THOC5: variants seen among roughly 807,000 people sequenced by gnomAD.
THOC5 encodes the protein THO complex subunit 5, also known as Fms-interacting protein.
In THOC5, 43 loss-of-function variants were observed where a neutral mutation model predicts 92.9. The ratio of observed to expected loss-of-function variants is 0.46; its 90% CI spans 0.36 to 0.60. The LOEUF is 0.60. THOC5 is among the 20% of genes least tolerant of loss of function. THOC5 has a pLI of 0.00. For synonymous variants in THOC5, 296 were observed against 320.1 expected, an observed-to-expected ratio of 0.92 and a Z score of 0.80; for missense variants, 659 against 849.4, an observed-to-expected ratio of 0.78 and a Z score of 2.79.
At chr22:29,528,888 C>A in intron 9 of THOC5, 1 of 530,224 alleles carries the variant, frequency 1.9e-6, no homozygotes, top group East Asian at 3.2e-5. Context: ...TGAGGTGTTA[C>A]TATCTGTTTT....
At chr22:29,543,100 T>C (rs1254205610) in intron 4 of THOC5, 144 bp from the exon 5 acceptor site, 2 of 619,472 alleles carry the variant, frequency 3.2e-6, no homozygotes, top group Middle Eastern at 4.4e-4. Context: ...TCCCAGCACT[T>C]TGGGAGGCCG....
intron 2 of THOC5, among the ~76,000 whole-genome samples, chr22:29,546,520 C>T (rs2064024126): frequency 6.6e-6 from 1 of 150,796 alleles, no homozygotes; most frequent in Admixed American, 6.6e-5. Context: ...ACCTCTGCCT[C>T]CCAGGTTCAG....
At chr22:29,528,946 G>A (rs1019118550) in intron 9 of THOC5, 27 of 572,892 alleles carry the variant, frequency 4.7e-5, no homozygotes, top group Non-Finnish European at 7.7e-5. Context: ...CCTTCCTCGG[G>A]GTCAGTCAGC....
At chr22:29,519,551 A>C (rs1797077219) in intron 14 of THOC5, among the ~76,000 whole-genome samples, 1 of 152,146 alleles carries the variant, frequency 6.6e-6, no homozygotes. Flanking sequence ...AAGACATTTT[A>C]GTGTCCTGAG....
At chr22:29,526,770 A>C (rs1368950525) in intron 11 of THOC5, among the ~76,000 whole-genome samples, 1 of 152,154 alleles carries the variant, frequency 6.6e-6, no homozygotes, top group East Asian at 1.9e-4. Context: ...ATGACATGAT[A>C]GCGACGACCT....
intron 12 of THOC5, among the ~76,000 whole-genome samples, chr22:29,521,614 T>A (rs758333641): frequency 1.3e-5 from 2 of 152,124 alleles, no homozygotes; most frequent in Non-Finnish European, 2.9e-5. Flanking sequence ...AATCTTATGC[T>A]CATCACAGGA....
At chr22:29,542,730 C>CA in intron 5 of THOC5, 129 bp downstream of exon 5, 1 of 568,728 alleles carries the variant, frequency 1.8e-6, no homozygotes, top group Non-Finnish European at 3.1e-6. Context: ...CGCCACTGCA[C>CA]TCCAGCCTGG....
intron 1 of THOC5, among the ~76,000 whole-genome samples, chr22:29,553,184 C>T (rs911386635): frequency 3.3e-5 from 5 of 152,184 alleles, no homozygotes; most frequent in African/African-American, 1.2e-4. Context: ...CCACTATTGT[C>T]CTATGACCCT....
rs1479335784 is a variant in THOC5, at chr22:29,543,424, A to G, written c.354+5T>C. On this transcript the variant is annotated splice_donor_5th_base_variant and intron_variant, in intron 4 of 19. Transcript: ENST00000490103. ...AAGGTTAAAATTAAACCTTTTAACT[A>G]CTACCTCGTGGGTCTGATCTCTTCC... is the stretch of plus-strand genomic sequence containing the variant. 2 of 1,601,968 alleles carry G rather than the reference A, an allele frequency of 1.2e-6. No homozygotes were observed. Among genetic ancestry groups the G allele is most frequent in the Admixed American group, 3.3e-5 (2 of 59,814 alleles).
intron 5 of THOC5, among the ~76,000 whole-genome samples, chr22:29,539,753 T>A (rs1282497748): frequency 1.3e-5 from 2 of 152,176 alleles, no homozygotes; most frequent in Non-Finnish European, 2.9e-5. Flanking sequence ...GTCTCCAAGC[T>A]GAGCAGGAGA....
chr22:29,547,274 CAA>C (rs978671587), intron 2 of THOC5, among the ~76,000 whole-genome samples: 5 of 152,198 alleles, frequency 3.3e-5, no homozygotes, highest in African/African-American at 9.7e-5. Flanking sequence ...TGCTAAAACA[CAA>C]GAGTCACCTT....
intron 17 of THOC5, among the ~76,000 whole-genome samples, chr22:29,513,485 C>G (rs1234083473): frequency 2.6e-5 from 4 of 152,050 alleles, no homozygotes; most frequent in Non-Finnish European, 4.4e-5. Flanking sequence ...CACTTGAGGT[C>G]AGGACCAGCC....
At chr22:29,521,991 T>A (rs2063450666) in intron 12 of THOC5, among the ~76,000 whole-genome samples, 1 of 151,954 alleles carries the variant, frequency 6.6e-6, no homozygotes, top group South Asian at 2.1e-4. Context: ...TCTCACTGAG[T>A]ATCCCTGTTC....
chr22:29,542,780 C>T lies in THOC5; in HGVS notation c.452+79G>A, dbSNP rs922970283. 1.7e-5 allele frequency: 15 copies of T among 901,992 alleles called. No individual in the cohort carries two copies. The African/African-American group carries it at 1.9e-4, about 11-fold the overall frequency. 55.9% of individuals were successfully genotyped at this position (901,992 alleles called of 1,614,324 possible). A position where few individuals can be genotyped will look rare whatever the true frequency, so the allele number is the denominator to read the frequency against. Reference sequence around the variant, plus strand: ...CTCCGTCTCAAAAAAAAAAAAGAAACAGACTTACAGTGAGCTACATGGGAA... The same window carrying T: ...CTCCGTCTCAAAAAAAAAAAAGAAATAGACTTACAGTGAGCTACATGGGAA... On this transcript the variant is annotated intron_variant, in intron 5 of 19. Coordinates refer to ENST00000490103, the MANE Select transcript of THOC5 (RefSeq NM_003678.5).
Position 29,517,029 on chromosome 22 carries a change from C to CTGTG in THOC5, c.1677_1680dup (p.Ala561HisfsTer37). 6.2e-7 allele frequency: 1 copy of CTGTG among 1,614,072 alleles called. No homozygotes were observed. The highest frequency in any genetic ancestry group is 8.5e-7 in the Non-Finnish European group (1 of 1,179,938). ...CCCCTGTAATCAGCAGAGCAATTAC[C>CTGTG]TGTGCCCCTTTCGATGAGCGCCATG... On this transcript the variant is annotated frameshift_variant and splice_region_variant, in exon 17 of 20. Transcript: ENST00000490103. LOFTEE classifies it high-confidence loss of function.
rs73159018 is a variant in THOC5 at position 29,542,289 on chromosome 22, T to G, written c.452+570A>C. 1.3e-3 allele frequency among the ~76,000 whole-genome samples: 193 copies of G among 152,240 alleles called. 1 individual carries two copies. Among genetic ancestry groups the G allele is most frequent in the South Asian group, 4.8e-3 (23 of 4,826 alleles). ...ATCAAACTGGTAATGTAAAGACCCC[T>G]GATAGGGAGAGAGACCTGCTTTTTA... On this transcript the variant is annotated intron_variant, in intron 5 of 19. Coordinates refer to ENST00000490103, the MANE Select transcript of THOC5 (RefSeq NM_003678.5).
intron 11 of THOC5, among the ~76,000 whole-genome samples, chr22:29,527,003 G>A (rs527467554): frequency 2.0e-4 from 31 of 152,302 alleles, no homozygotes; most frequent in Admixed American, 1.7e-3. Context: ...TTGGGCCAAT[G>A]AAATTAAGAG....
chr22:29,523,820 A>C (rs2063492149), intron 12 of THOC5, among the ~76,000 whole-genome samples: 1 of 152,244 alleles, frequency 6.6e-6, no homozygotes, highest in Non-Finnish European at 1.5e-5. Context: ...GAAAAAAATC[A>C]GGGAAATTAG....
At chr22:29,546,308 G>A (rs457295) in intron 2 of THOC5, among the ~76,000 whole-genome samples, 121,859 of 152,000 alleles carry the variant, frequency 0.8, 49,144 homozygotes, top group African/African-American at 0.88. Flanking sequence ...GCCTGGAGAC[G>A]CTTTCCCCAT....
Sources: allele counts gnomAD v4.1 joint callset (sites outside exome capture counted in the v4.1 genomes callset), GRCh38; gene constraint gnomAD v4.1.1; transcripts MANE v1.5; gene names NCBI Gene and HGNC (gene_info 2026-07-23, HGNC 2026-07-21).